Variants in VAV3 observed in about 807,000 individuals in gnomAD.
VAV3 encodes vav guanine nucleotide exchange factor 3.
In VAV3, 94 loss-of-function variants were observed where a neutral mutation model predicts 131.2. That is an observed-to-expected ratio of 0.72 (90% CI 0.61 to 0.85). The LOEUF (loss-of-function observed/expected upper bound fraction) is 0.85, where lower values mean the gene tolerates loss of function less well. Ranked by LOEUF, VAV3 falls within the 40% of genes least tolerant of loss-of-function variation. The pLI is 0.00. For missense variants in VAV3, 939 were observed against 1,002.7 expected (o/e 0.94, Z 0.86); for synonymous variants, 349 against 342.0 (o/e 1.02, Z -0.22).
intron 9 of VAV3, among the ~76,000 whole-genome samples, chr1:107,761,729 T>C (rs896939856): frequency 1.1e-4 from 16 of 152,322 alleles, no homozygotes; most frequent in Admixed American, 9.8e-4. Context: ...CTTGTGGGTC[T>C]TTTAATTATT....
intron 2 of VAV3, among the ~76,000 whole-genome samples, chr1:107,820,001 T>C (rs1667727574): frequency 6.6e-6 from 1 of 152,154 alleles, no homozygotes; most frequent in Non-Finnish European, 1.5e-5. Flanking sequence ...CCTCATACAC[T>C]GTTGGTGGGA....
chr1:107,720,783 G>T (rs950325822), intron 15 of VAV3, among the ~76,000 whole-genome samples: 15 of 152,158 alleles, frequency 9.9e-5, no homozygotes, highest in African/African-American at 3.6e-4. Context: ...GAAGAGACAA[G>T]GCCCACATAC....
At chr1:107,878,922 T>C (rs1161504292) in intron 1 of VAV3, among the ~76,000 whole-genome samples, 1 of 152,156 alleles carries the variant, frequency 6.6e-6, no homozygotes, top group East Asian at 1.9e-4. Context: ...TTTCTAACTC[T>C]ATCATTCTTT....
chr1:107,782,485 A>T (rs1665746492), intron 2 of VAV3, among the ~76,000 whole-genome samples: 1 of 152,232 alleles, frequency 6.6e-6, no homozygotes, highest in Non-Finnish European at 1.5e-5. Context: ...AGCTGAGACC[A>T]ACTCCTATTT....
chr1:107,923,657 G>A (rs935645431), intron 1 of VAV3, among the ~76,000 whole-genome samples: 18 of 152,004 alleles, frequency 1.2e-4, no homozygotes, highest in Non-Finnish European at 1.9e-4. Flanking sequence ...TGCAAGCAGG[G>A]GAAATGCTAG....
intron 2 of VAV3, among the ~76,000 whole-genome samples, chr1:107,846,299 G>A (rs1380202959): frequency 6.6e-6 from 1 of 152,146 alleles, no homozygotes. Flanking sequence ...CTGAAGGAAG[G>A]ACTAAATACG....
At chr1:107,579,047 ACT>A (rs936134299) in intron 25 of VAV3, among the ~76,000 whole-genome samples, 4 of 151,718 alleles carry the variant, frequency 2.6e-5, no homozygotes, top group African/African-American at 7.3e-5. Flanking sequence ...AGGACTTGAA[ACT>A]CTGTTTCAAT....
intron 4 of VAV3, among the ~76,000 whole-genome samples, chr1:107,776,605 T>C (rs186873912): frequency 7.9e-5 from 12 of 152,334 alleles, no homozygotes; most frequent in Admixed American, 7.8e-4. Context: ...TCCATAGCAT[T>C]TGAATCTGTC....
chr1:107,611,181 A>G (rs1328207), intron 21 of VAV3, among the ~76,000 whole-genome samples: 144,531 of 152,268 alleles, frequency 0.95, 69,011 homozygotes, highest in East Asian at 1. Context: ...TCCTTTGAGC[A>G]TCATGTCAGT....
intron 15 of VAV3, among the ~76,000 whole-genome samples, chr1:107,707,358 G>A (rs1442985522): frequency 2.6e-5 from 4 of 152,146 alleles, no homozygotes; most frequent in East Asian, 1.9e-4. Context: ...CAGTAGCAGC[G>A]TGATCTTAGG....
At chr1:107,755,109 T>C in intron 12 of VAV3, among the ~76,000 whole-genome samples, 1 of 151,790 alleles carries the variant, frequency 6.6e-6, no homozygotes, top group East Asian at 1.9e-4. Flanking sequence ...AATAAATGAA[T>C]AGGAATCAGC....
At chr1:107,684,925 G>A (rs561920588) in intron 18 of VAV3, among the ~76,000 whole-genome samples, 2 of 152,152 alleles carry the variant, frequency 1.3e-5, no homozygotes, top group Non-Finnish European at 2.9e-5. Context: ...CAACACAATT[G>A]ACAGTATTTT....
Position 107,596,233 on chromosome 1 carries a change from C to T in VAV3, c.2329G>A (p.Gly777Ser), listed in dbSNP as rs540470156. The T allele has an allele frequency of 6.2e-7, 1 of 1,613,240 alleles. No homozygotes were observed. Among genetic ancestry groups the T allele is most frequent in the Non-Finnish European group, 8.5e-7 (1 of 1,179,410 alleles). Residue 777 changes from glycine to serine, a missense_variant, in exon 25 of 27, where the codon GGT becomes AGT. Gly to Ser is a moderately conservative substitution (Grantham distance 56, BLOSUM62 0). Coordinates refer to ENST00000370056, the MANE Select transcript of VAV3 (RefSeq NM_006113.5). ...TTACAGCTGTTGCCTGCTCTATTACCCCTCTGTCCAGCTGAATGTTCTGGC... is the reference window on the plus strand; with the variant it reads ...TTACAGCTGTTGCCTGCTCTATTACTCCTCTGTCCAGCTGAATGTTCTGGC... ...KEPEHSAGQR[G>S]NRAGNSLLSP...
intron 15 of VAV3, among the ~76,000 whole-genome samples, chr1:107,718,348 C>G (rs1029341060): frequency 6.6e-6 from 1 of 152,182 alleles, no homozygotes; most frequent in African/African-American, 2.4e-5. Context: ...TGATAAGCAA[C>G]TTCAGCAAAG....
intron 1 of VAV3, among the ~76,000 whole-genome samples, chr1:107,954,438 TCCCATTATATACCTGTCAAAAGTCTAACA>T: frequency 6.6e-6 from 1 of 152,256 alleles, no homozygotes; most frequent in South Asian, 2.1e-4. Flanking sequence ...CCTTTCCTTT[TCCCATTATATACCTGTCAAAAGTCTAACA>T]CCCATTTTAT....
chr1:107,929,287 C>CAAAA (rs372843076), intron 1 of VAV3, among the ~76,000 whole-genome samples: 1,041 of 92,430 alleles, frequency 0.011, 30 homozygotes, highest in African/African-American at 0.04. Flanking sequence ...CACTCTGTCT[C>CAAAA]AAAAAAAAAA....
intron 1 of VAV3, among the ~76,000 whole-genome samples, chr1:107,926,936 G>A (rs1397318538): frequency 6.6e-6 from 1 of 151,978 alleles, no homozygotes; most frequent in Non-Finnish European, 1.5e-5. Context: ...GGGACTGTGG[G>A]GGAACACAAC....
chr1:107,797,324 T>A (rs1281771737), intron 2 of VAV3, among the ~76,000 whole-genome samples: 1 of 152,222 alleles, frequency 6.6e-6, no homozygotes, highest in African/African-American at 2.4e-5. Context: ...TATTTTCATT[T>A]CATCCTTCAC....
intron 25 of VAV3, among the ~76,000 whole-genome samples, chr1:107,592,771 A>G (rs1205229547): frequency 6.6e-6 from 1 of 152,182 alleles, no homozygotes; most frequent in African/African-American, 2.4e-5. Flanking sequence ...CTAAGGTCAG[A>G]CAGCTACTCT....
Sources: allele counts gnomAD v4.1 joint callset (sites outside exome capture counted in the v4.1 genomes callset), GRCh38; gene constraint gnomAD v4.1.1; transcripts MANE v1.5; gene names NCBI Gene and HGNC (gene_info 2026-07-23, HGNC 2026-07-21).